Variants in KCTD8 observed in about 807,000 individuals in gnomAD.
KCTD8 encodes the protein potassium channel tetramerization domain containing 8, also known as BTB/POZ domain-containing protein KCTD8.
Under a neutral mutation model 31.5 loss-of-function variants are expected in KCTD8, and 27 were observed. That is an observed-to-expected ratio of 0.86 (90% confidence interval 0.63 to 1.18). The LOEUF (loss-of-function observed/expected upper bound fraction) is 1.18, where lower values mean the gene tolerates loss of function less well. Among genes scored for constraint, KCTD8 ranks in the 50% most tolerant of loss-of-function variants. The pLI is 0.00. For missense variants in KCTD8, 658 were observed against 647.7 expected, an observed-to-expected ratio of 1.02 and a Z score of -0.17; for synonymous variants, 290 against 280.0, an observed-to-expected ratio of 1.04 and a Z score of -0.36.
chr4:44,358,504 C>G (rs7679046), intron 1 of KCTD8, among the ~76,000 whole-genome samples: 1 of 152,040 alleles, frequency 6.6e-6, no homozygotes, highest in African/African-American at 2.4e-5. Flanking sequence ...AATTTACACT[C>G]CCACCAACAG....
intron 1 of KCTD8, 115 bp downstream of exon 1, chr4:44,447,448 G>C: frequency 1.4e-6 from 2 of 1,415,174 alleles, no homozygotes; most frequent in Non-Finnish European, 1.8e-6. Flanking sequence ...CTCTCTATAA[G>C]GAGTTAACCA....
intron 1 of KCTD8, among the ~76,000 whole-genome samples, chr4:44,222,244 CTTTG>C (rs1714828663): frequency 6.6e-6 from 1 of 152,084 alleles, no homozygotes; most frequent in African/African-American, 2.4e-5. Flanking sequence ...ATCCTGCTAT[CTTTG>C]TTTGCTGAGT....
intron 1 of KCTD8, among the ~76,000 whole-genome samples, chr4:44,218,595 G>T (rs1186914033): frequency 2.0e-5 from 3 of 147,222 alleles, no homozygotes; most frequent in Admixed American, 1.4e-4. Context: ...AATATATATA[G>T]ATATATATCT....
chr4:44,240,757 C>T (rs1460076591), intron 1 of KCTD8, among the ~76,000 whole-genome samples: 1 of 152,178 alleles, frequency 6.6e-6, no homozygotes, highest in African/African-American at 2.4e-5. Context: ...CTTTAAAATG[C>T]TCCTCAGACT....
At chr4:44,336,010 C>T (rs1214970061) in intron 1 of KCTD8, among the ~76,000 whole-genome samples, 1 of 149,648 alleles carries the variant, frequency 6.7e-6, no homozygotes, top group South Asian at 2.1e-4. Context: ...ATTAGCCGGG[C>T]GTAGTGGCGG....
intron 1 of KCTD8, among the ~76,000 whole-genome samples, chr4:44,339,371 G>T (rs1390747148): frequency 2.6e-5 from 4 of 152,028 alleles, no homozygotes; most frequent in Admixed American, 6.6e-5. Flanking sequence ...TACAGCAAAA[G>T]ACACAACTTG....
rs770265841 is a variant in KCTD8 at position 44,448,310 on chromosome 4, T to C, written c.214A>G (p.Ser72Gly). Residue 72 changes from serine to glycine, a missense_variant, in exon 1 of 2, where the codon AGC becomes GGC. By Grantham distance (56) the Ser-to-Gly change is moderately conservative. Transcript: ENST00000360029. The surrounding 1 kb of genome is among the most constrained non-coding windows in gnomAD (Gnocchi z 4.1). ...CGGGGACTAGAGGGCGAGAACATGC[T>C]GGCCAAAGTACTGTCCGGGACGCTG... The part of the protein sequence containing the change: ...LLSVPDSTLA[S>G]MFSPSSPRGG... 63 of 1,605,966 alleles carry C rather than the reference T, an allele frequency of 3.9e-5. No homozygotes were observed. Among genetic ancestry groups the C allele is most frequent in the Non-Finnish European group, 5.2e-5 (61 of 1,177,178 alleles).
At chr4:44,282,555 A>G (rs1199444638) in intron 1 of KCTD8, among the ~76,000 whole-genome samples, 1 of 152,158 alleles carries the variant, frequency 6.6e-6, no homozygotes, top group Non-Finnish European at 1.5e-5. Context: ...GAAATGATTA[A>G]GCTTAATAAG....
chr4:44,201,180 C>T (rs902671309), intron 1 of KCTD8, among the ~76,000 whole-genome samples: 13 of 151,948 alleles, frequency 8.6e-5, no homozygotes, highest in African/African-American at 2.9e-4. Flanking sequence ...AATGGATAAA[C>T]CTTCCATGCT....
intron 1 of KCTD8, among the ~76,000 whole-genome samples, chr4:44,398,991 G>A (rs10001549): frequency 0.96 from 146,393 of 152,268 alleles, 70,419 homozygotes; most frequent in East Asian, 1. Context: ...AAAAGAGTAA[G>A]GAGATTTGAT....
At chr4:44,416,097 G>C (rs1721073320) in intron 1 of KCTD8, among the ~76,000 whole-genome samples, 1 of 152,228 alleles carries the variant, frequency 6.6e-6, no homozygotes, top group Non-Finnish European at 1.5e-5. Flanking sequence ...AGTGTGCCCA[G>C]AATGCAGGAC....
At chr4:44,258,976 T>C (rs1716081245) in intron 1 of KCTD8, among the ~76,000 whole-genome samples, 1 of 151,932 alleles carries the variant, frequency 6.6e-6, no homozygotes, top group South Asian at 2.1e-4. Flanking sequence ...TAGTAAGCAT[T>C]CATCAATGTT....
chr4:44,294,694 A>G (rs897985893), intron 1 of KCTD8, among the ~76,000 whole-genome samples: 2 of 152,204 alleles, frequency 1.3e-5, no homozygotes, highest in African/African-American at 4.8e-5. Flanking sequence ...TTAACTCTCT[A>G]TAGCATCCTA....
intron 1 of KCTD8, among the ~76,000 whole-genome samples, chr4:44,348,895 T>C (rs1272351824): frequency 6.6e-6 from 1 of 152,156 alleles, no homozygotes; most frequent in Non-Finnish European, 1.5e-5. Context: ...CAGTCCTCCC[T>C]CTTACTACCC....
intron 1 of KCTD8, among the ~76,000 whole-genome samples, chr4:44,370,962 A>G (rs1488216528): frequency 6.6e-6 from 1 of 152,114 alleles, no homozygotes; most frequent in East Asian, 1.9e-4. Context: ...CTCATATGAT[A>G]TGGAAGCCAT....
intron 1 of KCTD8, among the ~76,000 whole-genome samples, chr4:44,331,285 A>T (rs2109412381): frequency 6.6e-6 from 1 of 152,026 alleles, no homozygotes; most frequent in East Asian, 1.9e-4. Flanking sequence ...GTTAGGAAAA[A>T]GTAAGGACCA....
intron 1 of KCTD8, among the ~76,000 whole-genome samples, chr4:44,302,860 C>A (rs1210509334): frequency 2.0e-5 from 3 of 151,884 alleles, no homozygotes; most frequent in African/African-American, 4.8e-5. Flanking sequence ...TGGGTTTGTC[C>A]TAGATAGCTC....
intron 1 of KCTD8, among the ~76,000 whole-genome samples, chr4:44,263,062 A>G (rs898214091): frequency 1.3e-5 from 2 of 152,150 alleles, no homozygotes; most frequent in Non-Finnish European, 2.9e-5. Context: ...CCCTCTGCCC[A>G]TGACAAGTCT....
chr4:44,228,435 G>C (rs761903951), intron 1 of KCTD8, among the ~76,000 whole-genome samples: 37 of 152,156 alleles, frequency 2.4e-4, no homozygotes, highest in Non-Finnish European at 5.0e-4. Context: ...CTGAGGTACT[G>C]CAAATTAGGA....
Sources: gnomAD v4.1 joint callset for allele counts (sites outside exome capture counted in the v4.1 genomes callset) on GRCh38, gnomAD v4.1.1 for gene constraint, Gnocchi (gnomAD v3.1) non-coding constraint, MANE v1.5 for transcripts, NCBI Gene and HGNC (gene_info 2026-07-23, HGNC 2026-07-21) for gene names.